PKD2L2: variants seen among roughly 807,000 people sequenced by gnomAD.
PKD2L2 encodes polycystin 2 like 2, transient receptor potential cation channel, also known as polycystin-2-like protein 2.
Under a neutral mutation model 83.9 loss-of-function variants are expected in PKD2L2, and 67 were observed. That is an observed-to-expected ratio of 0.80 (90% confidence interval 0.66 to 0.98). The LOEUF (loss-of-function observed/expected upper bound fraction) is 0.98, where lower values mean the gene tolerates loss of function less well. PKD2L2 is among the 50% of genes least tolerant of loss of function. PKD2L2 has a pLI of 0.00. For missense variants in PKD2L2, 632 were observed against 717.2 expected, an observed-to-expected ratio of 0.88 and a Z score of 1.36; for synonymous variants, 223 against 237.8, an observed-to-expected ratio of 0.94 and a Z score of 0.57.
intron 12 of PKD2L2, among the ~76,000 whole-genome samples, chr5:137,931,983 T>G (rs1190150345): frequency 7.9e-5 from 12 of 152,162 alleles, no homozygotes; most frequent in Non-Finnish European, 1.6e-4. Context: ...AAGACCTTAT[T>G]TGTAACAGCA....
intron 9 of PKD2L2, among the ~76,000 whole-genome samples, chr5:137,922,621 C>T (rs1266885297): frequency 6.6e-6 from 1 of 151,856 alleles, no homozygotes; most frequent in African/African-American, 2.4e-5. Context: ...ACCTATAATC[C>T]CAGCTACTTG....
intron 14 of PKD2L2, among the ~76,000 whole-genome samples, chr5:137,937,254 T>TCCCCAGCCA (rs1272866827): frequency 6.6e-6 from 1 of 152,188 alleles, no homozygotes; most frequent in Non-Finnish European, 1.5e-5. Flanking sequence ...TAGAACAAAC[T>TCCCCAGCCA]CCCCAGCCAC....
chr5:137,901,084 C>T (rs144246894), intron 5 of PKD2L2, among the ~76,000 whole-genome samples: 4 of 150,284 alleles, frequency 2.7e-5, no homozygotes, highest in African/African-American at 9.8e-5. Flanking sequence ...TGTGGTGAGC[C>T]GAGATAGCGC....
intron 8 of PKD2L2, among the ~76,000 whole-genome samples, chr5:137,916,475 C>CCT (rs1274018088): frequency 0.014 from 1,283 of 93,210 alleles, 11 homozygotes; most frequent in Non-Finnish European, 0.021. Context: ...CACTTTTCTT[C>CCT]TTTTTTTTTT....
intron 12 of PKD2L2, among the ~76,000 whole-genome samples, chr5:137,931,150 CTG>C (rs1414565278): frequency 2.0e-5 from 3 of 152,070 alleles, no homozygotes; most frequent in Admixed American, 6.5e-5. Flanking sequence ...TTTATCAAAA[CTG>C]AGCCCAGAAG....
Position 137,925,105 on chromosome 5 carries a change from G to GT in PKD2L2, c.1616+2dup, listed in dbSNP as rs1157918281. The GT allele has an allele frequency of 6.4e-7, 1 of 1,567,774 alleles. No homozygotes were observed. Among genetic ancestry groups the GT allele is most frequent in the Non-Finnish European group, 8.8e-7 (1 of 1,138,534 alleles). On this transcript the variant is annotated splice_donor_variant, in intron 11 of 14. Transcript: ENST00000508883. LOFTEE classifies it high-confidence loss of function. ...CTCAAAAAGATGAAGACAAGAAAAC[G>GT]TAAGATGACTTCTCTCAAATGTTTA... is the stretch of plus-strand genomic sequence containing the variant.
intron 5 of PKD2L2, among the ~76,000 whole-genome samples, chr5:137,902,743 A>G (rs1757069861): frequency 6.6e-6 from 1 of 152,140 alleles, no homozygotes; most frequent in African/African-American, 2.4e-5. Context: ...TTGTACACAG[A>G]CATCTTGGGG....
intron 3 of PKD2L2, among the ~76,000 whole-genome samples, chr5:137,894,060 T>C (rs1444407616): frequency 1.3e-5 from 2 of 152,190 alleles, no homozygotes; most frequent in Non-Finnish European, 2.9e-5. Flanking sequence ...CCAGCTCTGA[T>C]ACTCATGTAT....
In PKD2L2 at chr5:137,894,617, G is replaced by T. The variant is rs1303445619; in HGVS notation, c.524+8G>T. ...CCTTCAAATTAATACTGAGTAAGTA[G>T]CATAAAATTATACTGTAACTTTTTC... On this transcript the variant is annotated splice_region_variant and intron_variant, in intron 4 of 14. Transcript: ENST00000508883. 1 of 1,598,264 alleles carries T rather than the reference G, an allele frequency of 6.3e-7. No individual in the cohort carries two copies. The highest frequency in any genetic ancestry group is 1.7e-5 in the Admixed American group (1 of 59,316).
At chr5:137,942,145 T>A in intron 14 of PKD2L2, 1 of 935,814 alleles carries the variant, frequency 1.1e-6, no homozygotes, top group Non-Finnish European at 1.6e-6. Context: ...GCTGGGGAAC[T>A]GTTAGGTCTA....
intron 4 of PKD2L2, among the ~76,000 whole-genome samples, chr5:137,897,030 ATTATATTATTATTAT>A (rs1756533506): frequency 1.0e-5 from 1 of 97,868 alleles, no homozygotes; most frequent in Non-Finnish European, 2.0e-5. Flanking sequence ...ATGATACATT[ATTATATTATTATTAT>A]TATTATTATT....
At chr5:137,902,822 T>G (rs1477165343) in intron 5 of PKD2L2, among the ~76,000 whole-genome samples, 1 of 152,152 alleles carries the variant, frequency 6.6e-6, no homozygotes, top group Non-Finnish European at 1.5e-5. Context: ...TGGAGCTAGA[T>G]CTGTTAACTT....
At chr5:137,916,200 G>T (rs1758325030) in intron 8 of PKD2L2, among the ~76,000 whole-genome samples, 1 of 151,634 alleles carries the variant, frequency 6.6e-6, no homozygotes, top group South Asian at 2.1e-4. Flanking sequence ...TTTTGAGACG[G>T]AGTCTCACTC....
At chr5:137,925,810 C>G in intron 11 of PKD2L2, 65 bp from the exon 12 acceptor site, 1 of 921,236 alleles carries the variant, frequency 1.1e-6, no homozygotes, top group African/African-American at 1.6e-5. Context: ...TCCGATTGTA[C>G]TTTATGGTGG....
At chr5:137,940,075 A>T (rs202233545) in intron 14 of PKD2L2, 7 of 1,614,026 alleles carry the variant, frequency 4.3e-6, no homozygotes, top group Non-Finnish European at 5.9e-6. Flanking sequence ...CTCTCCCATC[A>T]TTTGTTTTGT....
intron 9 of PKD2L2, 43 bp downstream of exon 9, chr5:137,921,799 T>A: frequency 7.1e-7 from 1 of 1,401,856 alleles, no homozygotes; most frequent in East Asian, 2.3e-5. Flanking sequence ...CTTTTTAGAA[T>A]AAAAAGTAAA....
chr5:137,930,694 A>G (rs529097855), intron 12 of PKD2L2, among the ~76,000 whole-genome samples: 1 of 151,512 alleles, frequency 6.6e-6, no homozygotes, highest in Admixed American at 6.6e-5. Flanking sequence ...AAATGAAATC[A>G]TAGAATTCCA....
At chr5:137,901,632 G>A (rs1305309153) in intron 5 of PKD2L2, among the ~76,000 whole-genome samples, 1 of 152,142 alleles carries the variant, frequency 6.6e-6, no homozygotes, top group Non-Finnish European at 1.5e-5. Context: ...AGAAGGCCTG[G>A]ACAATGAGAA....
At chr5:137,914,109 C>T (rs904438644) in intron 8 of PKD2L2, among the ~76,000 whole-genome samples, 8 of 133,534 alleles carry the variant, frequency 6.0e-5, no homozygotes, top group South Asian at 2.3e-4. Context: ...AGGCTGGTCA[C>T]GAACTCCTGG....
Sources: allele counts gnomAD v4.1 joint callset (sites outside exome capture counted in the v4.1 genomes callset), GRCh38; gene constraint gnomAD v4.1.1; transcripts MANE v1.5; gene names NCBI Gene and HGNC (gene_info 2026-07-23, HGNC 2026-07-21).